Variants in TTN observed in about 807,000 individuals in gnomAD.
TTN encodes the protein titin.
In TTN, 1,525 loss-of-function variants were observed where a neutral mutation model predicts 3,223.0. That is an observed-to-expected ratio of 0.47 (90% CI 0.45 to 0.49). TTN has a LOEUF of 0.49. Ranked by LOEUF, TTN falls within the 20% of genes least tolerant of loss-of-function variation. The pLI is 0.00. For synonymous variants in TTN, 14,094 were observed against 15,161.0 expected (o/e 0.93, Z 5.17); for missense variants, 40,786 against 43,424.0 (o/e 0.94, Z 5.40).
intron 243 of TTN, 126 bp from the exon 244 acceptor site, chr2:178,622,134 C>G: frequency 1.1e-6 from 1 of 870,190 alleles, no homozygotes; most frequent in Non-Finnish European, 1.7e-6. Context: ...GAAGAAGAAC[C>G]AAGGTGGCAG....
chr2:178,744,993 A>G (rs2083210410), intron 47 of TTN: 1 of 985,534 alleles, frequency 1.0e-6, no homozygotes, highest in Non-Finnish European at 1.2e-6. Context: ...TTTAAAAGAG[A>G]TGAAGTTAAT....
Position 178,734,699 on chromosome 2 carries a change from A to G in TTN, c.15217+8T>C, listed in dbSNP as rs756060056. ...GAAAAATACTGGATGGAAACTCAGT[A>G]AACAAACCTTTGATAACTATTTCAG... On this transcript the variant is annotated splice_region_variant and intron_variant, in intron 51 of 362. Coordinates refer to ENST00000589042, the MANE Select transcript of TTN (RefSeq NM_001267550.2). 2.5e-6 allele frequency: 4 copies of G among 1,599,976 alleles called. No individual in the cohort carries two copies. The Admixed American group carries it at 5.1e-5, about 20-fold the overall frequency.
In TTN at chr2:178,566,017, C is replaced by T. The variant is rs558830502; in HGVS notation, c.80115G>A (p.Glu26705=). 1.9e-6 allele frequency: 3 copies of T among 1,613,508 alleles called. No individual in the cohort carries two copies. The highest frequency in any genetic ancestry group is 1.1e-5 in the South Asian group (1 of 91,064). ...VRKDSAFLVW[E]PPIIDGGAKV... ...TTGCCCCTCCATCAATGATGGGTGG[C>T]TCCCATACCAGGAAGGCAGAATCTT... Residue 26705 remains glutamate (E), a synonymous_variant, in exon 326 of 363, where the codon GAG becomes GAA. Coordinates refer to ENST00000589042, the MANE Select transcript of TTN (RefSeq NM_001267550.2).
At chr2:178,654,184 T>C (rs2063633544) in intron 193 of TTN, 24 bp downstream of exon 193, 1 of 1,592,240 alleles carries the variant, frequency 6.3e-7, no homozygotes, top group African/African-American at 1.3e-5. Context: ...AAGTTATTCT[T>C]AGCAGAGGAG....
Position 178,802,122 on chromosome 2 carries a change from G to A in TTN, c.295+16C>T. ...CTCTGGGGGAGCAGAGGATTGGCAGGTCCCCAGCAGCCTACCTTTCACGAG... is the reference window on the plus strand; with the variant it reads ...CTCTGGGGGAGCAGAGGATTGGCAGATCCCCAGCAGCCTACCTTTCACGAG... On this transcript the variant is annotated intron_variant, in intron 3 of 362. Transcript: ENST00000589042. 6.2e-7 allele frequency: 1 copy of A among 1,613,900 alleles called. No individual in the cohort carries two copies. Among genetic ancestry groups the A allele is most frequent in the South Asian group, 1.1e-5 (1 of 91,058 alleles).
intron 307 of TTN, 54 bp downstream of exon 307, chr2:178,587,064 C>T: frequency 1.2e-6 from 2 of 1,602,048 alleles, no homozygotes; most frequent in Non-Finnish European, 1.7e-6. Context: ...AGTATCTTGA[C>T]CTTGCTAAAA....
At chr2:178,614,426 C>T (rs1301801740) in intron 261 of TTN, 40 bp downstream of exon 261, 3 of 1,580,268 alleles carry the variant, frequency 1.9e-6, no homozygotes, top group South Asian at 2.4e-5. Flanking sequence ...AAAGTAACTG[C>T]AAAGAGTTTA....
intron 3 of TTN, 33 bp from the exon 4 acceptor site, chr2:178,800,715 G>C (rs776999019): frequency 1.3e-6 from 2 of 1,582,402 alleles, no homozygotes; most frequent in African/African-American, 1.4e-5. Context: ...TCAAGAGTGA[G>C]AGCCAGGGTG....
At position 178,720,471 on chromosome 2, in the gene TTN, A is replaced by G. The variant is rs1413753534; in HGVS notation, c.23291T>C (p.Leu7764Pro). 2 of 1,613,724 alleles carry G rather than the reference A, an allele frequency of 1.2e-6. No individual in the cohort carries two copies. Among genetic ancestry groups the G allele is most frequent in the Non-Finnish European group, 8.5e-7 (1 of 1,179,692 alleles). Residue 7764 changes from leucine to proline, a missense_variant, in exon 80 of 363, where the codon CTT (leucine) becomes CCT (proline). Coordinates refer to ENST00000589042, the MANE Select transcript of TTN (RefSeq NM_001267550.2). ...HFDTSLHILNLEASDVGEYHC... is the reference protein window; with the variant it reads ...HFDTSLHILNPEASDVGEYHC... ...ATATTCCCCGACATCGGAGGCTTCA[A>G]GATTAAGGATATGAAGACTTGTATC...
chr2:178,721,304 T>C, intron 78 of TTN, 102 bp from the exon 79 acceptor site: 1 of 1,059,880 alleles, frequency 9.4e-7, no homozygotes, highest in Non-Finnish European at 1.2e-6. Flanking sequence ...TTTAAACTGG[T>C]TTGTTATTAA....
In TTN at chr2:178,563,307, C is replaced by G. The variant is rs767367789; in HGVS notation, c.82825G>C (p.Val27609Leu). ...CATTCATCCGCAGCAGCTTCTTTGACCTCTACAACATAGCCTTTAACAGGT... is the reference window on the plus strand; with the variant it reads ...CATTCATCCGCAGCAGCTTCTTTGAGCTCTACAACATAGCCTTTAACAGGT... The part of the protein sequence containing the change: ...GAPVKGYVVE[V>L]KEAAADEWTT... Residue 27609 changes from valine (V) to leucine (L), a missense_variant, in exon 326 of 363, where the codon GTC (valine) becomes CTC (leucine). By Grantham distance (32) the Val-to-Leu change is conservative (BLOSUM62 1). Coordinates refer to ENST00000589042, the MANE Select transcript of TTN (RefSeq NM_001267550.2). The surrounding 1 kb of genome is among the most constrained non-coding windows in gnomAD (Gnocchi z 4.5). 2.5e-6 allele frequency: 4 copies of G among 1,613,518 alleles called. No individual in the cohort carries two copies. The highest frequency in any genetic ancestry group is 3.4e-6 in the Non-Finnish European group (4 of 1,179,710).
In TTN at chr2:178,574,149, A is replaced by G; in HGVS notation, c.71983T>C (p.Tyr23995His). 6.2e-7 allele frequency: 1 copy of G among 1,613,600 alleles called. No individual in the cohort carries two copies. Among genetic ancestry groups the G allele is most frequent in the Non-Finnish European group, 8.5e-7 (1 of 1,179,666 alleles). Reference protein sequence around the residue: ...TVSGLTEDAAYEFRVIAKNAA... With the variant: ...TVSGLTEDAAHEFRVIAKNAA... ...TTTTTGGCGATCACACGGAATTCAT[A>G]TGCAGCATCTTCTGTTAGGCCACTG... The change falls in exon 326 of 363, where the codon TAT becomes CAT. Residue 23995 changes from tyrosine to histidine, a missense_variant. Tyr to His is a moderately conservative substitution (Grantham distance 83). Transcript: ENST00000589042.
chr2:178,727,668 T>C lies in TTN; in HGVS notation c.19910A>G (p.Asp6637Gly), dbSNP rs1240731918. 2 of 1,612,938 alleles carry C rather than the reference T, an allele frequency of 1.2e-6. No homozygotes were observed. The highest frequency in any genetic ancestry group is 2.7e-5 in the African/African-American group (2 of 74,824). The change falls in exon 68 of 363, where the codon GAT (aspartate) becomes GGT (glycine). Residue 6637 changes from aspartate (D) to glycine (G), a missense_variant. Transcript: ENST00000589042. ...AGTATACTGTCCAGTCTTAGAAGCA[T>C]CCACTGAGTAGAGATTTAAGAAGCT... ...STSFLNLYSV[D>G]ASKTGQYTCH... is the part of the protein sequence containing the mutation.
In TTN at chr2:178,672,269, T is replaced by C; in HGVS notation, c.34931-2A>G. 2 of 1,586,598 alleles carry C rather than the reference T, an allele frequency of 1.3e-6. No individual in the cohort carries two copies. Among genetic ancestry groups the C allele is most frequent in the Non-Finnish European group, 1.7e-6 (2 of 1,165,368 alleles). On this transcript the variant is annotated splice_acceptor_variant, in intron 154 of 362. Transcript: ENST00000589042. LOFTEE classifies it high-confidence loss of function. ...CTTTTTCTTCAAGGACAGTTCTCCCTGAAAGAGCATCTATTTTAAGACTTA... is the reference window on the plus strand; with the variant it reads ...CTTTTTCTTCAAGGACAGTTCTCCCCGAAAGAGCATCTATTTTAAGACTTA...
In TTN at chr2:178,594,507, C is replaced by G; in HGVS notation, c.57987G>C (p.Glu19329Asp). 2 of 1,613,378 alleles carry G rather than the reference C, an allele frequency of 1.2e-6. No homozygotes were observed. Among genetic ancestry groups the G allele is most frequent in the African/African-American group, 2.7e-5 (2 of 75,008 alleles). Residue 19329 changes from glutamate to aspartate, a missense_variant, in exon 296 of 363, where the codon GAG becomes GAC. Physicochemically the swap from Glu to Asp is conservative, Grantham distance 45 (BLOSUM62 2). Transcript: ENST00000589042. ...YVLESRLIGT[E>D]KFHKVTNDNL... ...TGTCATTTGTAACTTTGTGGAACTT[C>G]TCAGTCCCAATGAGCCGACTTTCTA...
Position 178,608,674 on chromosome 2 carries a change from C to T in TTN, c.52337G>A (p.Arg17446Lys). The change falls in exon 274 of 363, where the codon AGA becomes AAA. Residue 17446 changes from arginine (R) to lysine (K), a missense_variant. Physicochemically the swap from Arg to Lys is conservative, Grantham distance 26. Transcript: ENST00000589042. ...ACCTGGCCCAAATCTGTTTTCAGCT[C>T]TTACACGGAAGAGGTACTCTTTTCC... The part of the protein sequence containing the change: ...IEGKEYLFRV[R>K]AENRFGPGPP... The T allele has an allele frequency of 3.7e-6, 6 of 1,612,148 alleles. No homozygotes were observed. The highest frequency in any genetic ancestry group is 5.1e-6 in the Non-Finnish European group (6 of 1,179,022).
chr2:178,786,233 A>G, intron 13 of TTN, 92 bp from the exon 14 acceptor site: 2 of 1,319,182 alleles, frequency 1.5e-6, no homozygotes, highest in Admixed American at 1.9e-5. Context: ...TGGCGTCCAC[A>G]TTATACAGCA....
chr2:178,557,907 A>G lies in TTN; in HGVS notation c.87447T>C (p.Asp29149=). 6.2e-7 allele frequency: 1 copy of G among 1,613,532 alleles called. No homozygotes were observed. ...TGAGAGTCACACTTTCTTCAGTTAT[A>G]TCACTAATAACAACAGGGCCAGTTG... ...GPPTGPVVIS[D]ITEESVTLKW... The change falls in exon 328 of 363, where the codon GAT becomes GAC. Residue 29149 remains aspartate (D), a synonymous_variant. Transcript: ENST00000589042.
intron 33 of TTN, 51 bp from the exon 34 acceptor site, chr2:178,771,522 T>C (rs931990615): frequency 1.2e-6 from 2 of 1,609,128 alleles, no homozygotes; most frequent in Non-Finnish European, 1.7e-6. Context: ...ATTCACACAA[T>C]GGGAAAATCT....
Sources: gnomAD v4.1 joint callset for allele counts on GRCh38, gnomAD v4.1.1 for gene constraint, Gnocchi (gnomAD v3.1) non-coding constraint, MANE v1.5 for transcripts, NCBI Gene and HGNC (gene_info 2026-07-23, HGNC 2026-07-21) for gene names.